ERGIC1: variants seen among roughly 807,000 people sequenced by gnomAD.
The protein encoded by ERGIC1 is endoplasmic reticulum-Golgi intermediate compartment protein 1.
Under a neutral mutation model 38.3 loss-of-function variants are expected in ERGIC1, and 19 were observed. That is an observed-to-expected ratio of 0.50 (90% CI 0.35 to 0.73). The LOEUF (loss-of-function observed/expected upper bound fraction) is 0.73, where lower values mean the gene tolerates loss of function less well. Among genes scored for constraint, ERGIC1 ranks in the 30% least tolerant of loss-of-function variants. ERGIC1 has a pLI of 0.01. For synonymous variants in ERGIC1, 124 were observed against 157.6 expected (o/e 0.79, Z 1.60); for missense variants, 294 against 389.2 (o/e 0.76, Z 2.06).
intron 8 of ERGIC1, chr5:172,932,849 C>T (rs142034753): frequency 1.3e-4 from 42 of 334,172 alleles, no homozygotes; most frequent in East Asian, 8.4e-4. Flanking sequence ...GCATCTGGTC[C>T]GAGTCCTTCA....
intron 1 of ERGIC1, among the ~76,000 whole-genome samples, chr5:172,869,216 G>A (rs1761944130): frequency 6.6e-6 from 1 of 152,236 alleles, no homozygotes; most frequent in Non-Finnish European, 1.5e-5. Flanking sequence ...GAGGAGGTGA[G>A]GGGGGTGACA....
At chr5:172,935,483 G>T (rs1160540006) in intron 9 of ERGIC1, 173 bp downstream of exon 9, 1 of 749,234 alleles carries the variant, frequency 1.3e-6, no homozygotes, top group Non-Finnish European at 2.1e-6. Context: ...GAGAAATGTT[G>T]TCAGAAACAC....
chr5:172,850,705 A>G (rs1761382122), intron 1 of ERGIC1, among the ~76,000 whole-genome samples: 1 of 152,112 alleles, frequency 6.6e-6, no homozygotes, highest in Non-Finnish European at 1.5e-5. Flanking sequence ...ATATAGCCCT[A>G]GGTCTTATTT....
At chr5:172,907,810 C>T (rs765132913) in intron 3 of ERGIC1, among the ~76,000 whole-genome samples, 1 of 152,116 alleles carries the variant, frequency 6.6e-6, no homozygotes, top group Non-Finnish European at 1.5e-5. Flanking sequence ...TACTAATCAG[C>T]GTTGGGGGTG....
intron 5 of ERGIC1, among the ~76,000 whole-genome samples, chr5:172,919,210 G>A (rs1763450731): frequency 6.6e-6 from 1 of 152,192 alleles, no homozygotes; most frequent in African/African-American, 2.4e-5. Flanking sequence ...GTGCTGTGGT[G>A]GAGAATGAAG....
At chr5:172,900,337 T>A (rs1404734473) in intron 3 of ERGIC1, among the ~76,000 whole-genome samples, 3 of 151,880 alleles carry the variant, frequency 2.0e-5, no homozygotes, top group Non-Finnish European at 2.9e-5. Flanking sequence ...CAGGACTTCC[T>A]CTCCCTCTCT....
At chr5:172,947,392 G>A (rs541998225) in intron 9 of ERGIC1, among the ~76,000 whole-genome samples, 1 of 152,184 alleles carries the variant, frequency 6.6e-6, no homozygotes, top group South Asian at 2.1e-4. Flanking sequence ...TGCCCAGGAT[G>A]GGCTCAAGCT....
chr5:172,881,398 G>C (rs1762280531), intron 1 of ERGIC1, among the ~76,000 whole-genome samples: 1 of 152,166 alleles, frequency 6.6e-6, no homozygotes, highest in Non-Finnish European at 1.5e-5. Flanking sequence ...CCTTATGCTT[G>C]TGCAGATCCA....
intron 1 of ERGIC1, among the ~76,000 whole-genome samples, chr5:172,872,581 G>A (rs372024881): frequency 3.9e-5 from 6 of 152,134 alleles, no homozygotes; most frequent in East Asian, 1.9e-4. Flanking sequence ...TTGGGAGGCC[G>A]AGGCAGGTGG....
intron 1 of ERGIC1, among the ~76,000 whole-genome samples, chr5:172,849,187 G>A (rs571999124): frequency 1.8e-4 from 27 of 152,234 alleles, no homozygotes; most frequent in African/African-American, 4.8e-4. Context: ...TCTACTTTCC[G>A]ACCCCCAGAA....
At chr5:172,927,198 C>G (rs1276170741) in intron 7 of ERGIC1, 1 of 152,550 alleles carries the variant, frequency 6.6e-6, no homozygotes, top group African/African-American at 2.4e-5. Context: ...CAGAATGGGC[C>G]CGGGAGGCCT....
chr5:172,890,805 G>C (rs1046330668), intron 2 of ERGIC1, among the ~76,000 whole-genome samples: 4 of 151,896 alleles, frequency 2.6e-5, no homozygotes, highest in African/African-American at 9.7e-5. Flanking sequence ...GCCTGAGCAG[G>C]GTCCTGGGCC....
intron 1 of ERGIC1, among the ~76,000 whole-genome samples, chr5:172,871,006 G>A (rs554784272): frequency 6.6e-6 from 1 of 152,352 alleles, no homozygotes; most frequent in East Asian, 1.9e-4. Context: ...CTGCCCTTGA[G>A]GAATTCACAG....
chr5:172,943,725 C>T (rs1764059981), intron 9 of ERGIC1, among the ~76,000 whole-genome samples: 1 of 152,190 alleles, frequency 6.6e-6, no homozygotes, highest in African/African-American at 2.4e-5. Flanking sequence ...GTGTTTACTC[C>T]AAAGCCCACA....
chr5:172,871,027 A>G (rs1043174351), intron 1 of ERGIC1, among the ~76,000 whole-genome samples: 1 of 152,212 alleles, frequency 6.6e-6, no homozygotes, highest in Non-Finnish European at 1.5e-5. Flanking sequence ...CTTTGAGGGG[A>G]AGACACCAAT....
chr5:172,843,711 C>T (rs1022085887), intron 1 of ERGIC1, among the ~76,000 whole-genome samples: 8 of 152,326 alleles, frequency 5.3e-5, no homozygotes, highest in African/African-American at 1.4e-4. Context: ...AGGTCCCCTG[C>T]GGAACGCTGT....
chr5:172,911,279 G>A (rs376965772), intron 4 of ERGIC1, among the ~76,000 whole-genome samples: 2 of 152,142 alleles, frequency 1.3e-5, no homozygotes, highest in Admixed American at 6.5e-5. Flanking sequence ...GAAATAGGTC[G>A]GTCTTATTTT....
In ERGIC1 at chr5:172,868,692, A is replaced by G. The variant is rs574064537; in HGVS notation, c.21-20007A>G. On this transcript the variant is annotated intron_variant, in intron 1 of 9. Transcript: ENST00000393784. ...CCAAGAGTGACCCCTGATGTCAAGT[A>G]TGGACTTTGGGAGACAATGATGAGT... Among the ~76,000 whole-genome samples the G allele has an allele frequency of 6.6e-5, 10 of 152,332 alleles. No homozygotes were observed. In the East Asian group the frequency reaches 1.7e-3, roughly 26 times the overall value.
chr5:172,839,540 G>A (rs944304915), intron 1 of ERGIC1, among the ~76,000 whole-genome samples: 1 of 151,536 alleles, frequency 6.6e-6, no homozygotes, highest in Non-Finnish European at 1.5e-5. Flanking sequence ...TTCCACACTG[G>A]GTAACAGAGC....
Sources: allele counts gnomAD v4.1 joint callset (sites outside exome capture counted in the v4.1 genomes callset), GRCh38; gene constraint gnomAD v4.1.1; transcripts MANE v1.5; gene names NCBI Gene and HGNC (gene_info 2026-07-23, HGNC 2026-07-21).